Variants in MIPEP observed in about 807,000 individuals in gnomAD.
The protein encoded by MIPEP is mitochondrial intermediate peptidase.
A neutral mutation model predicts 90.3 loss-of-function variants in MIPEP; 79 were observed. That is an observed-to-expected ratio of 0.87 (90% confidence interval 0.73 to 1.05). The LOEUF is 1.05. MIPEP is among the 50% of genes least tolerant of loss of function. MIPEP has a pLI of 0.00. For missense variants in MIPEP, 940 were observed against 905.6 expected (o/e 1.04, Z -0.49); for synonymous variants, 334 against 315.8 (o/e 1.06, Z -0.61).
At chr13:23,809,578 C>T (rs1284303132) in intron 15 of MIPEP, among the ~76,000 whole-genome samples, 3 of 152,034 alleles carry the variant, frequency 2.0e-5, no homozygotes, top group Non-Finnish European at 4.4e-5. Context: ...CTCCTGACCT[C>T]GTGATTCGCC....
At chr13:23,845,726 C>G (rs1667952224) in intron 10 of MIPEP, among the ~76,000 whole-genome samples, 1 of 152,210 alleles carries the variant, frequency 6.6e-6, no homozygotes, top group African/African-American at 2.4e-5. Context: ...ACTTACATTC[C>G]TACCTGCAGT....
At chr13:23,835,479 A>G (rs949921278) in intron 14 of MIPEP, among the ~76,000 whole-genome samples, 1 of 152,108 alleles carries the variant, frequency 6.6e-6, no homozygotes, top group Non-Finnish European at 1.5e-5. Flanking sequence ...AATTTCTTTC[A>G]GTGCTTTTTT....
chr13:23,779,265 G>T lies in MIPEP; in HGVS notation c.1849-19048C>A, dbSNP rs192757237. ...AATGTTATTTACAAATGTTGTGAGT[G>T]ATGTGTATGTAGAAAACCCCGAAAT... On this transcript the variant is annotated intron_variant, in intron 16 of 18. Transcript: ENST00000382172. Among the ~76,000 whole-genome samples the T allele has an allele frequency of 7.9e-5, 12 of 152,300 alleles. No homozygotes were observed. In the East Asian group the frequency reaches 1.5e-3, roughly 20 times the overall value.
intron 16 of MIPEP, among the ~76,000 whole-genome samples, chr13:23,797,731 T>A (rs1952978695): frequency 6.6e-6 from 1 of 152,112 alleles, no homozygotes; most frequent in African/African-American, 2.4e-5. Context: ...AAAGGTACCT[T>A]TTTCTCATTA....
intron 18 of MIPEP, among the ~76,000 whole-genome samples, chr13:23,743,574 T>C (rs1047870561): frequency 1.3e-5 from 2 of 152,262 alleles, no homozygotes; most frequent in African/African-American, 2.4e-5. Context: ...TCTCTCTGTC[T>C]CTCTAGAATT....
chr13:23,810,908 CA>C (rs1953164111), intron 14 of MIPEP, among the ~76,000 whole-genome samples: 1 of 152,224 alleles, frequency 6.6e-6, no homozygotes, highest in Non-Finnish European at 1.5e-5. Context: ...GACAAACCTA[CA>C]GCCTTTTCTC....
At chr13:23,806,478 C>T (rs746652434) in intron 15 of MIPEP, among the ~76,000 whole-genome samples, 2 of 152,076 alleles carry the variant, frequency 1.3e-5, no homozygotes, top group African/African-American at 4.8e-5. Flanking sequence ...GAGATCAAGA[C>T]CATCCTGGCT....
chr13:23,879,736 G>A (rs1236196597), intron 3 of MIPEP, among the ~76,000 whole-genome samples: 1 of 152,086 alleles, frequency 6.6e-6, no homozygotes, highest in African/African-American at 2.4e-5. Context: ...GAGAGCTCAG[G>A]ACACAGGCTT....
At chr13:23,870,300 A>T in intron 5 of MIPEP, 105 bp from the exon 6 acceptor site, 1 of 568,596 alleles carries the variant, frequency 1.8e-6, no homozygotes, top group African/African-American at 2.0e-5. Flanking sequence ...ATATTGTTGA[A>T]TTATCACTTA....
intron 16 of MIPEP, among the ~76,000 whole-genome samples, chr13:23,779,859 G>C (rs1952760659): frequency 6.6e-6 from 1 of 152,192 alleles, no homozygotes; most frequent in Non-Finnish European, 1.5e-5. Context: ...CTCGTTCATT[G>C]CTAGCACAGC....
intron 10 of MIPEP, among the ~76,000 whole-genome samples, chr13:23,842,107 T>C (rs1319879495): frequency 1.3e-5 from 2 of 152,198 alleles, no homozygotes; most frequent in African/African-American, 2.4e-5. Context: ...TATTCCAATA[T>C]AAACCAAAGC....
intron 18 of MIPEP, among the ~76,000 whole-genome samples, chr13:23,749,971 T>C (rs1281558703): frequency 6.6e-6 from 1 of 152,016 alleles, no homozygotes; most frequent in African/African-American, 2.4e-5. Context: ...CTCCCCCAAG[T>C]GGCAATGAAA....
intron 7 of MIPEP, among the ~76,000 whole-genome samples, chr13:23,868,634 C>T (rs116929933): frequency 5.6e-4 from 85 of 152,248 alleles, no homozygotes; most frequent in African/African-American, 1.8e-3. Context: ...TTGAGTCTCA[C>T]GCAGCTCCAT....
intron 15 of MIPEP, among the ~76,000 whole-genome samples, chr13:23,808,160 G>A (rs1339773564): frequency 3.3e-5 from 5 of 151,212 alleles, no homozygotes; most frequent in East Asian, 1.9e-4. Context: ...GTGCAGTGGC[G>A]CGATCTCGGC....
chr13:23,849,387 G>C (rs1228594422), intron 10 of MIPEP, among the ~76,000 whole-genome samples: 1 of 152,198 alleles, frequency 6.6e-6, no homozygotes, highest in Admixed American at 6.5e-5. Flanking sequence ...CTCTTCTACA[G>C]TTTTACAAGA....
intron 12 of MIPEP, 152 bp from the exon 13 acceptor site, chr13:23,837,908 C>T (rs1345390535): frequency 3.5e-6 from 2 of 567,242 alleles, no homozygotes; most frequent in African/African-American, 1.9e-5. Context: ...ATATATACAC[C>T]TTTTCTTGAC....
intron 14 of MIPEP, among the ~76,000 whole-genome samples, chr13:23,822,947 A>G (rs1289548902): frequency 2.6e-5 from 4 of 151,648 alleles, no homozygotes; most frequent in Non-Finnish European, 5.9e-5. Context: ...GTGCAGTGGC[A>G]TGATCTCGGC....
At chr13:23,735,456 T>C (rs939927945) in intron 18 of MIPEP, among the ~76,000 whole-genome samples, 1 of 152,236 alleles carries the variant, frequency 6.6e-6, no homozygotes, top group African/African-American at 2.4e-5. Context: ...AAGCCATTTA[T>C]TCAGAGCCAA....
intron 18 of MIPEP, among the ~76,000 whole-genome samples, chr13:23,752,890 C>T (rs969728302): frequency 6.6e-6 from 1 of 152,068 alleles, no homozygotes; most frequent in Non-Finnish European, 1.5e-5. Context: ...TGTACACACA[C>T]CCCACCCCCT....
Sources: gnomAD v4.1 joint callset for allele counts (sites outside exome capture counted in the v4.1 genomes callset) on GRCh38, gnomAD v4.1.1 for gene constraint, MANE v1.5 for transcripts, NCBI Gene and HGNC (gene_info 2026-07-23, HGNC 2026-07-21) for gene names.